The following JRK variants were observed in gnomAD, a reference collection of about 807,000 sequenced individuals.
JRK encodes Jrk helix-turn-helix protein, also known as jerky protein homolog.
For synonymous variants in JRK, 303 were observed against 218.1 expected, an observed-to-expected ratio of 1.39 and a Z score of -3.43; for missense variants, 720 against 509.2, an observed-to-expected ratio of 1.41 and a Z score of -3.98.
chr8:142,666,837 G>T (rs1367900747), intron 1 of JRK, among the ~76,000 whole-genome samples: 2 of 152,212 alleles, frequency 1.3e-5, no homozygotes, highest in Non-Finnish European at 2.9e-5. Flanking sequence ...TCAGGCAGAA[G>T]CCATCAGAGG....
chr8:142,651,748 G>A, the JRK span, among the ~76,000 whole-genome samples: 1 of 152,164 alleles, frequency 6.6e-6, no homozygotes, highest in Admixed American at 6.5e-5. Context: ...TCATTACTGA[G>A]TGCTCTAACA....
Position 142,661,288 on chromosome 8 carries a change from C to A in JRK, c.*3064G>T, listed in dbSNP as rs1472634152. On this transcript the variant is annotated 3_prime_UTR_variant, in exon 2 of 2. Transcript: ENST00000612905. ...CCCCAACGTAGAAGGGGCTGAAAGA[C>A]CACCTACCCATCCTAACCCCTGAAT... The A allele has an allele frequency of 5.1e-6, 5 of 985,358 alleles. No individual in the cohort carries two copies. In the African/African-American group the frequency reaches 8.7e-5, roughly 17 times the overall value. 61.0% of individuals were successfully genotyped at this position (985,358 alleles called of 1,614,324 possible). A position where few individuals can be genotyped will look rare whatever the true frequency, so the allele number is the denominator to read the frequency against.
At position 142,658,662 on chromosome 8, in the gene JRK, C is replaced by T. The variant is rs1007004279; in HGVS notation, c.*5690G>A. 7.2e-6 allele frequency: 7 copies of T among 968,076 alleles called. No individual in the cohort carries two copies. The African/African-American group carries it at 1.0e-4, about 14-fold the overall frequency. The allele number at this position is 968,076 out of a possible 1,614,324, so 60.0% of individuals were successfully genotyped here. ...GCCTAGTCACCTCCCAAAGGCCCCA[C>T]CTCCTAATACCACCCTCCTGGGGGT... On this transcript the variant is annotated 3_prime_UTR_variant, in exon 2 of 2. Transcript: ENST00000612905.
In JRK at chr8:142,668,549, TG is replaced by T. The variant is rs587661184; in HGVS notation, c.-463+1382del. Among the ~76,000 whole-genome samples, 497 of 151,644 alleles carry T rather than the reference TG, an allele frequency of 3.3e-3. 4 individuals carry two copies. Among genetic ancestry groups the T allele is most frequent in the African/African-American group, 0.011 (451 of 41,362 alleles). The stretch of plus-strand genomic sequence containing the variant: ...TAATATGAACCCGCTGTAGAAAAAC[TG>T]GGGGAGACACGGAATCCCACAGTAG... On this transcript the variant is annotated intron_variant, in intron 1 of 1. Coordinates refer to ENST00000612905, the MANE Select transcript of JRK (RefSeq NM_003724.4).
chr8:142,651,271 TA>T, the JRK span, among the ~76,000 whole-genome samples: 38 of 151,492 alleles, frequency 2.5e-4, no homozygotes, highest in East Asian at 9.7e-4. Context: ...TGAGCTCCTT[TA>T]AAAAAAAAGT....
In JRK at chr8:142,664,441, T is replaced by C; in HGVS notation, c.1618A>G (p.Lys540Glu). The C allele has an allele frequency of 3.7e-6, 6 of 1,611,454 alleles. No individual in the cohort carries two copies. The highest frequency in any genetic ancestry group is 5.1e-6 in the Non-Finnish European group (6 of 1,178,764). The stretch of plus-strand genomic sequence containing the variant: ...GGGCCCTCCTGGAGGGCTTCAACCT[T>C]GACCACAGCCCCGAGGGCACCACGC... ...RRRGALGAVV[K>E]VEALQEGPGG... is the part of the protein sequence containing the mutation. The change falls in exon 2 of 2, where the codon AAG (lysine) becomes GAG (glutamate). Residue 540 changes from lysine (K) to glutamate (E), a missense_variant. Physicochemically the swap from Lys to Glu is moderately conservative, Grantham distance 56 (BLOSUM62 1). Coordinates refer to ENST00000612905, the MANE Select transcript of JRK (RefSeq NM_003724.4).
Position 142,665,118 on chromosome 8 carries a change from T to C in JRK, c.941A>G (p.Asn314Ser). Reference protein sequence around the residue: ...HPQEAELVSSNVFTIFLPASV... With the variant: ...HPQEAELVSSSVFTIFLPASV... ...GGCAGGCAGGAAGATGGTGAAAACG[T>C]TACTGGACACCAGCTCGGCCTCCTG... Residue 314 changes from asparagine to serine, a missense_variant, in exon 2 of 2, where the codon AAC (asparagine) becomes AGC (serine). Transcript: ENST00000612905. 1.4e-6 allele frequency: 1 copy of C among 717,898 alleles called. No individual in the cohort carries two copies. The highest frequency in any genetic ancestry group is 2.6e-6 in the Non-Finnish European group (1 of 385,086). The allele number at this position is 717,898 out of a possible 1,614,324, so 44.5% of individuals were successfully genotyped here.
rs1202364127 is a variant in JRK, at chr8:142,663,586, G to A, written c.*766C>T. On this transcript the variant is annotated 3_prime_UTR_variant, in exon 2 of 2. Transcript: ENST00000612905. The stretch of plus-strand genomic sequence containing the variant: ...AATGCCAAAATACCACACAGGGTCC[G>A]TGTCCTCTATCCGGGTGATGAGCAG... 2 of 985,456 alleles carry A rather than the reference G, an allele frequency of 2.0e-6. No homozygotes were observed. The highest frequency in any genetic ancestry group is 2.4e-6 in the Non-Finnish European group (2 of 829,942). The allele number at this position is 985,456 out of a possible 1,614,324, so 61.0% of individuals were successfully genotyped here.
rs1055001336 is a variant in JRK, at chr8:142,663,541, T to C, written c.*811A>G. 8 of 985,366 alleles carry C rather than the reference T, an allele frequency of 8.1e-6. No homozygotes were observed. Among genetic ancestry groups the C allele is most frequent in the Non-Finnish European group, 8.4e-6 (7 of 829,962 alleles). The allele number at this position is 985,366 out of a possible 1,614,324, so 61.0% of individuals were successfully genotyped here. Reference sequence around the variant, plus strand: ...AAGTATGAAATTCTGGGCAACATGGTACATTGGACTCTGAGCCAAAATGCC... The same window carrying C: ...AAGTATGAAATTCTGGGCAACATGGCACATTGGACTCTGAGCCAAAATGCC... On this transcript the variant is annotated 3_prime_UTR_variant, in exon 2 of 2. Coordinates refer to ENST00000612905, the MANE Select transcript of JRK (RefSeq NM_003724.4).
Position 142,663,504 on chromosome 8 carries a change from T to G in JRK, c.*848A>C. ...TGAATGTCTGATCAAGACGTATTCATGTAAAGGCCATAAGTATGAAATTCT... is the reference window on the plus strand; with the variant it reads ...TGAATGTCTGATCAAGACGTATTCAGGTAAAGGCCATAAGTATGAAATTCT... On this transcript the variant is annotated 3_prime_UTR_variant, in exon 2 of 2. Coordinates refer to ENST00000612905, the MANE Select transcript of JRK (RefSeq NM_003724.4). The G allele has an allele frequency of 1.0e-6, 1 of 985,476 alleles. No homozygotes were observed. Among genetic ancestry groups the G allele is most frequent in the Non-Finnish European group, 1.2e-6 (1 of 829,938 alleles). The allele number at this position is 985,476 out of a possible 1,614,324, so 61.0% of individuals were successfully genotyped here.
rs942323291 is a variant in JRK at position 142,665,915 on chromosome 8, G to C, written c.144C>G (p.Gly48=). 7 of 801,196 alleles carry C rather than the reference G, an allele frequency of 8.7e-6. No homozygotes were observed. Among genetic ancestry groups the C allele is most frequent in the African/African-American group, 8.4e-5 (5 of 59,646 alleles). 49.6% of individuals were successfully genotyped at this position (801,196 alleles called of 1,614,324 possible). ...CCCTGATGTCGTAGAGGGTGGACAT[G>C]CCCACATTGTACTCCTGCATCAGTG... ...RKALMQEYNV[G]MSTLYDIRAH... The change falls in exon 2 of 2, where the codon GGC becomes GGG. Residue 48 remains glycine (G), a synonymous_variant. Coordinates refer to ENST00000612905, the MANE Select transcript of JRK (RefSeq NM_003724.4).
chr8:142,663,373 T>TA lies in JRK; in HGVS notation c.*978dup. ...ACAGACAACTCCTCCCCAAAAGTAT[T>TA]ACTAACGTGCTAACAGCTGGGGATA... On this transcript the variant is annotated 3_prime_UTR_variant, in exon 2 of 2. Coordinates refer to ENST00000612905, the MANE Select transcript of JRK (RefSeq NM_003724.4). 1 of 985,460 alleles carries TA rather than the reference T, an allele frequency of 1.0e-6. No individual in the cohort carries two copies. Among genetic ancestry groups the TA allele is most frequent in the Non-Finnish European group, 1.2e-6 (1 of 829,924 alleles). The allele number at this position is 985,460 out of a possible 1,614,324, so 61.0% of individuals were successfully genotyped here.
rs782544887 is a variant in JRK, at chr8:142,665,939, T to C, written c.120A>G (p.Ala40=). 2 of 853,094 alleles carry C rather than the reference T, an allele frequency of 2.3e-6. No individual in the cohort carries two copies. The highest frequency in any genetic ancestry group is 2.4e-5 in the East Asian group (1 of 41,562). The allele number at this position is 853,094 out of a possible 1,614,324, so 52.8% of individuals were successfully genotyped here. ...TRLEKGESRK[A]LMQEYNVGMS... ...TGCCCACATTGTACTCCTGCATCAG[T>C]GCCTTCCGGCTCTCGCCCTTCTCCA... is the stretch of plus-strand genomic sequence containing the variant. Residue 40 remains alanine, a synonymous_variant, in exon 2 of 2, where the codon GCA becomes GCG. Transcript: ENST00000612905.
chr8:142,646,715 AT>A, the JRK span, among the ~76,000 whole-genome samples: 11 of 152,130 alleles, frequency 7.2e-5, no homozygotes, highest in African/African-American at 4.8e-5. Flanking sequence ...TTTGATTAGT[AT>A]TTTTTTCCTG....
At position 142,664,100 on chromosome 8, in the gene JRK, T is replaced by A. The variant is rs1380841900; in HGVS notation, c.*252A>T. ...GGCTCTGGCTTGTTCTAGGCTAGGG[T>A]GGACCCTTCCAAAACATTTCCTCAC... On this transcript the variant is annotated 3_prime_UTR_variant, in exon 2 of 2. Transcript: ENST00000612905. 7.7e-7 allele frequency: 1 copy of A among 1,303,568 alleles called. No individual in the cohort carries two copies. Among genetic ancestry groups the A allele is most frequent in the Non-Finnish European group, 9.7e-7 (1 of 1,028,954 alleles). The allele number at this position is 1,303,568 out of a possible 1,614,324, so 80.8% of individuals were successfully genotyped here. A position where few individuals can be genotyped will look rare whatever the true frequency, so the allele number is the denominator to read the frequency against.
rs1000042157 is a variant in JRK, at chr8:142,663,598, C to G, written c.*754G>C. ...CCACACAGGGTCCGTGTCCTCTATC[C>G]GGGTGATGAGCAGGGCCTGGTCAGC... On this transcript the variant is annotated 3_prime_UTR_variant, in exon 2 of 2. Transcript: ENST00000612905. 2 of 985,452 alleles carry G rather than the reference C, an allele frequency of 2.0e-6. No homozygotes were observed. Among genetic ancestry groups the G allele is most frequent in the East Asian group, 2.3e-4 (2 of 8,816 alleles). The allele number at this position is 985,452 out of a possible 1,614,324, so 61.0% of individuals were successfully genotyped here.
Position 142,659,093 on chromosome 8 carries a change from G to A in JRK, c.*5259C>T. On this transcript the variant is annotated 3_prime_UTR_variant, in exon 2 of 2. Transcript: ENST00000612905. ...CTCTTCAGAACTGACAGCCCATCAA[G>A]GTACAATGAAATAGAAAAAAGGCTG... 2.2e-6 allele frequency: 3 copies of A among 1,388,234 alleles called. No homozygotes were observed. The highest frequency in any genetic ancestry group is 6.0e-5 in the Admixed American group (2 of 33,520). 86.0% of individuals were successfully genotyped at this position (1,388,234 alleles called of 1,614,324 possible).
In JRK at chr8:142,659,661, C is replaced by T. The variant is rs1460703763; in HGVS notation, c.*4691G>A. On this transcript the variant is annotated 3_prime_UTR_variant, in exon 2 of 2. Transcript: ENST00000612905. ...CACGGAACTGAAAGGAGGTTCAAGG[C>T]CTCAAACAAGAGTGGCCCCTAAAAC... The T allele has an allele frequency of 4.2e-5, 41 of 985,454 alleles. No homozygotes were observed. Among genetic ancestry groups the T allele is most frequent in the Non-Finnish European group, 4.9e-5 (41 of 830,022 alleles). 61.0% of individuals were successfully genotyped at this position (985,454 alleles called of 1,614,324 possible).
Position 142,660,956 on chromosome 8 carries a change from G to A in JRK, c.*3396C>T, listed in dbSNP as rs782230843. Reference sequence around the variant, plus strand: ...ACAGTCCTCCAACCCCAGCGAGCTGGGGAAGCCGTGGGCAGGGGCTGCGAC... The same window carrying A: ...ACAGTCCTCCAACCCCAGCGAGCTGAGGAAGCCGTGGGCAGGGGCTGCGAC... On this transcript the variant is annotated 3_prime_UTR_variant, in exon 2 of 2. Transcript: ENST00000612905. 6.1e-6 allele frequency: 6 copies of A among 985,476 alleles called. No homozygotes were observed. The highest frequency in any genetic ancestry group is 7.2e-6 in the Non-Finnish European group (6 of 829,994). 61.0% of individuals were successfully genotyped at this position (985,476 alleles called of 1,614,324 possible).
Sources: allele counts gnomAD v4.1 joint callset (sites outside exome capture counted in the v4.1 genomes callset), GRCh38; gene constraint gnomAD v4.1.1; transcripts MANE v1.5; gene names NCBI Gene and HGNC (gene_info 2026-07-23, HGNC 2026-07-21).